Variants in RNF157 observed in about 807,000 individuals in gnomAD.
RNF157 encodes the protein E3 ubiquitin ligase RNF157.
In RNF157, 55 loss-of-function variants were observed where a neutral mutation model predicts 88.3. That is an observed-to-expected ratio of 0.62 (90% CI 0.50 to 0.78). The LOEUF is 0.78. Ranked by LOEUF, RNF157 falls within the 30% of genes least tolerant of loss-of-function variation. RNF157 has a pLI of 0.00. For missense variants in RNF157, 788 were observed against 860.8 expected, an observed-to-expected ratio of 0.92 and a Z score of 1.06; for synonymous variants, 334 against 341.2, an observed-to-expected ratio of 0.98 and a Z score of 0.23.
At chr17:76,150,190 G>A (rs919420640) in intron 18 of RNF157, among the ~76,000 whole-genome samples, 2 of 151,946 alleles carry the variant, frequency 1.3e-5, no homozygotes, top group African/African-American at 4.8e-5. Flanking sequence ...CTCATCTTGA[G>A]GCCTCTGGTG....
rs894580327 is a variant in RNF157, at chr17:76,212,718, C to T, written c.89-236G>A. On this transcript the variant is annotated intron_variant, in intron 1 of 18. Transcript: ENST00000269391. ...CTCTACTAAAAATGTAAAAATTAGC[C>T]GGGTGTGGTGGCACATGCCTGTAGT... 2.0e-5 allele frequency among the ~76,000 whole-genome samples: 3 copies of T among 152,038 alleles called. No individual in the cohort carries two copies. In the South Asian group the frequency reaches 6.2e-4, roughly 32 times the overall value.
At chr17:76,198,724 T>C (rs540451580) in intron 2 of RNF157, among the ~76,000 whole-genome samples, 43 of 152,310 alleles carry the variant, frequency 2.8e-4, no homozygotes, top group African/African-American at 8.9e-4. Context: ...TCTTTTAAAA[T>C]GTGTCTTCTG....
intron 1 of RNF157, among the ~76,000 whole-genome samples, chr17:76,215,160 C>G (rs1307447215): frequency 1.3e-5 from 2 of 152,014 alleles, no homozygotes; most frequent in East Asian, 1.9e-4. Context: ...AGATTTGTAG[C>G]AGGCAGGGTG....
chr17:76,188,302 C>T (rs1286154590), intron 2 of RNF157, among the ~76,000 whole-genome samples: 1 of 152,134 alleles, frequency 6.6e-6, no homozygotes, highest in African/African-American at 2.4e-5. Flanking sequence ...CCCATCACTT[C>T]TCAGCCCATC....
At chr17:76,207,625 C>G (rs1391776835) in intron 2 of RNF157, among the ~76,000 whole-genome samples, 1 of 152,236 alleles carries the variant, frequency 6.6e-6, no homozygotes, top group East Asian at 1.9e-4. Context: ...TTCACTCTCT[C>G]TGCAAAGAGG....
At position 76,159,548 on chromosome 17, in the gene RNF157, T is replaced by C. The variant is rs1260476661; in HGVS notation, c.1091A>G (p.Tyr364Cys). The change falls in exon 12 of 19, where the codon TAT (tyrosine) becomes TGT (cysteine). Residue 364 changes from tyrosine to cysteine, a missense_variant. Tyr to Cys is a radical substitution (Grantham distance 194). Transcript: ENST00000269391. The part of the protein sequence containing the change: ...HPSSENIPPG[Y>C]EVVSLLEALN... ...GGCCTCCAGAAGAGATACTACTTCA[T>C]AGCCTGGTGGAATATTCTCTGAGGA... 1 of 1,597,910 alleles carries C rather than the reference T, an allele frequency of 6.3e-7. No homozygotes were observed. Among genetic ancestry groups the C allele is most frequent in the Non-Finnish European group, 8.5e-7 (1 of 1,175,838 alleles).
At chr17:76,190,726 T>C (rs1312251324) in intron 2 of RNF157, among the ~76,000 whole-genome samples, 1 of 151,112 alleles carries the variant, frequency 6.6e-6, no homozygotes, top group Non-Finnish European at 1.5e-5. Flanking sequence ...GAGACCACGA[T>C]GAAACCCCGT....
At chr17:76,223,615 G>C (rs1254634826) in intron 1 of RNF157, among the ~76,000 whole-genome samples, 1 of 152,052 alleles carries the variant, frequency 6.6e-6, no homozygotes, top group East Asian at 1.9e-4. Flanking sequence ...TTTTCTTTCT[G>C]ACAAACAGGA....
rs2068584162 is a variant in RNF157 at position 76,146,274 on chromosome 17, A to G, written c.1922-921T>C. The G allele has an allele frequency of 1.1e-6, 1 of 884,494 alleles. No individual in the cohort carries two copies. The highest frequency in any genetic ancestry group is 6.2e-5 in the Admixed American group (1 of 16,138). The allele number at this position is 884,494 out of a possible 1,614,324, so 54.8% of individuals were successfully genotyped here. ...GGGCCTTGGTTTTCTCACCCATCAG[A>G]TGGGACATGCGTACTGACCTCACGG... On this transcript the variant is annotated intron_variant, in intron 18 of 18. Transcript: ENST00000269391. The surrounding 1 kb of genome is among the most constrained non-coding windows in gnomAD (Gnocchi z 4.2).
intron 1 of RNF157, among the ~76,000 whole-genome samples, chr17:76,229,871 G>A (rs2070157551): frequency 6.6e-6 from 1 of 152,162 alleles, no homozygotes; most frequent in African/African-American, 2.4e-5. Flanking sequence ...GGAAAGATAA[G>A]AGGAAGGAGA....
At chr17:76,226,428 C>G (rs576508521) in intron 1 of RNF157, 14 of 1,597,514 alleles carry the variant, frequency 8.8e-6, no homozygotes, top group Non-Finnish European at 1.2e-5. Flanking sequence ...GTCTCCTGGA[C>G]TAGGGGGGCA....
At chr17:76,145,544 T>C in intron 18 of RNF157, 191 bp from the exon 19 acceptor site, 1 of 549,088 alleles carries the variant, frequency 1.8e-6, no homozygotes, top group South Asian at 2.5e-5. Context: ...GTGCAGAGCC[T>C]GCTCCTGCCC....
In RNF157 at chr17:76,191,063, G is replaced by A. The variant is rs2069377377; in HGVS notation, c.208-17273C>T. On this transcript the variant is annotated intron_variant, in intron 2 of 18. Coordinates refer to ENST00000269391, the MANE Select transcript of RNF157 (RefSeq NM_052916.3). The stretch of plus-strand genomic sequence containing the variant: ...AAAGTTACGATATGGATTAGCAGAG[G>A]ACATAAACCTCTTGTGTTACCAGCA... Among the ~76,000 whole-genome samples, 3 of 152,094 alleles carry A rather than the reference G, an allele frequency of 2.0e-5. No individual in the cohort carries two copies. In the South Asian group the frequency reaches 6.2e-4, roughly 32 times the overall value.
At chr17:76,162,493 T>TA in intron 9 of RNF157, 59 bp downstream of exon 9, 1 of 1,320,336 alleles carries the variant, frequency 7.6e-7, no homozygotes, top group Non-Finnish European at 1.1e-6. Flanking sequence ...GACGCTGGCT[T>TA]ACGATTTCTC....
chr17:76,173,651 C>T (rs1320776265), intron 3 of RNF157, 51 bp downstream of exon 3: 1 of 1,400,280 alleles, frequency 7.1e-7, no homozygotes, highest in Non-Finnish European at 1.0e-6. Context: ...CAGCCCCCAG[C>T]CTCCCCAAAG....
intron 1 of RNF157, among the ~76,000 whole-genome samples, chr17:76,213,456 G>C (rs1032005188): frequency 1.3e-5 from 2 of 151,806 alleles, no homozygotes; most frequent in Non-Finnish European, 2.9e-5. Context: ...TGAAGTCCCA[G>C]GTACTTGGGA....
intron 18 of RNF157, chr17:76,145,683 T>C (rs771021037): frequency 3.9e-6 from 1 of 253,996 alleles, no homozygotes; most frequent in Non-Finnish European, 7.5e-6. Flanking sequence ...AAAGTTTGCC[T>C]ATATGTTACA....
intron 3 of RNF157, among the ~76,000 whole-genome samples, chr17:76,172,831 G>A (rs1357423610): frequency 6.6e-6 from 1 of 151,880 alleles, no homozygotes; most frequent in Non-Finnish European, 1.5e-5. Flanking sequence ...TATCATCTAG[G>A]GGTGGCGGGC....
chr17:76,167,054 G>A lies in RNF157; in HGVS notation c.516C>T (p.Cys172=). The change falls in exon 5 of 19, where the codon TGC becomes TGT. Residue 172 remains cysteine (C), a synonymous_variant. Coordinates refer to ENST00000269391, the MANE Select transcript of RNF157 (RefSeq NM_052916.3). ...QYKRGVCQQF[C]LPSHTVDPSE... is the part of the protein sequence containing the mutation. ...AGGGATCCACGGTGTGGGAGGGCAG[G>A]CAGAACTGCTGACACACTCCTCGCT... 1 of 1,612,694 alleles carries A rather than the reference G, an allele frequency of 6.2e-7. No individual in the cohort carries two copies. The highest frequency in any genetic ancestry group is 8.5e-7 in the Non-Finnish European group (1 of 1,179,874).
Sources: gnomAD v4.1 joint callset for allele counts (sites outside exome capture counted in the v4.1 genomes callset) on GRCh38, gnomAD v4.1.1 for gene constraint, Gnocchi (gnomAD v3.1) non-coding constraint, MANE v1.5 for transcripts, NCBI Gene and HGNC (gene_info 2026-07-23, HGNC 2026-07-21) for gene names.